Variants in OGA observed in about 807,000 individuals in gnomAD.
The protein encoded by OGA is protein O-GlcNAcase.
A neutral mutation model predicts 102.0 loss-of-function variants in OGA; 21 were observed. The ratio of observed to expected loss-of-function variants is 0.21; its 90% CI spans 0.15 to 0.30. The LOEUF (loss-of-function observed/expected upper bound fraction) is 0.30, where lower values mean the gene tolerates loss of function less well. Among genes scored for constraint, OGA ranks in the 10% least tolerant of loss-of-function variants. The pLI is 1.00. For synonymous variants in OGA, 408 were observed against 378.2 expected (o/e 1.08, Z -0.91); for missense variants, 765 against 1,107.8 (o/e 0.69, Z 4.39).
chr10:101,794,190 C>A (rs1328892327), intron 10 of OGA, 192 bp from the exon 11 acceptor site: 3 of 398,396 alleles, frequency 7.5e-6, no homozygotes, highest in Admixed American at 8.2e-5. Flanking sequence ...GTTCCTTCCT[C>A]CAATTAATGA....
intron 15 of OGA, 95 bp from the exon 16 acceptor site, chr10:101,786,682 CAG>C: frequency 9.3e-7 from 1 of 1,078,186 alleles, no homozygotes; most frequent in East Asian, 2.8e-5. Context: ...TTAATATAAA[CAG>C]GGCTTGTCTG....
intron 6 of OGA, among the ~76,000 whole-genome samples, chr10:101,804,471 C>T (rs2065440056): frequency 6.6e-6 from 1 of 151,894 alleles, no homozygotes; most frequent in South Asian, 2.1e-4. Flanking sequence ...GATGGGGTTT[C>T]ACTGTGTTAG....
chr10:101,793,878 A>G lies in OGA; in HGVS notation c.2070+35T>C, dbSNP rs548832801. 22 of 1,492,420 alleles carry G rather than the reference A, an allele frequency of 1.5e-5. No individual in the cohort carries two copies. In the South Asian group the frequency reaches 2.2e-4, roughly 15 times the overall value. The allele number at this position is 1,492,420 out of a possible 1,614,324, so 92.4% of individuals were successfully genotyped here. A position where few individuals can be genotyped will look rare whatever the true frequency, so the allele number is the denominator to read the frequency against. On this transcript the variant is annotated intron_variant, in intron 11 of 15. Coordinates refer to ENST00000361464, the MANE Select transcript of OGA (RefSeq NM_012215.5). ...ACATAAGGTTTCTCATAAAACAAAGAAAATGTCAATTCAGTTGTGAATTCA... is the reference window on the plus strand; with the variant it reads ...ACATAAGGTTTCTCATAAAACAAAGGAAATGTCAATTCAGTTGTGAATTCA...
rs747218461 is a variant in OGA, at chr10:101,810,197, C to T, written c.467G>A (p.Arg156His). 3.1e-6 allele frequency: 5 copies of T among 1,609,930 alleles called. No individual in the cohort carries two copies. Among genetic ancestry groups the T allele is most frequent in the Admixed American group, 1.7e-5 (1 of 59,294 alleles). ...GTAAGGAGTTACCTGGTCCAATTTA[C>T]GTTTCAATGTGGATACTTCCTTGGG... ...SNPKEVSTLK[R>H]KLDQVSQFGC... The change falls in exon 4 of 16, where the codon CGT becomes CAT. Residue 156 changes from arginine (R) to histidine (H), a missense_variant. Around this residue, in one of 7 missense-constraint regions of OGA, gnomAD observed 165 missense variants for 249.7 expected, o/e 0.66. Transcript: ENST00000361464.
Position 101,818,192 on chromosome 10 carries a change from G to C in OGA, c.-170C>G. On this transcript the variant is annotated 5_prime_UTR_variant, in exon 1 of 16. Transcript: ENST00000361464. Reference sequence around the variant, plus strand: ...CCTCTCCGCAGGGACCCGAATGCCCGGATGAGAAGGGCGGCGGCACCGGCG... The same window carrying C: ...CCTCTCCGCAGGGACCCGAATGCCCCGATGAGAAGGGCGGCGGCACCGGCG... 7.4e-7 allele frequency: 1 copy of C among 1,352,268 alleles called. No individual in the cohort carries two copies. The highest frequency in any genetic ancestry group is 9.5e-7 in the Non-Finnish European group (1 of 1,055,920). The allele number at this position is 1,352,268 out of a possible 1,614,324, so 83.8% of individuals were successfully genotyped here.
intron 4 of OGA, 71 bp from the exon 5 acceptor site, chr10:101,807,972 T>C: frequency 8.2e-7 from 1 of 1,215,806 alleles, no homozygotes; most frequent in South Asian, 2.0e-5. Flanking sequence ...GCGTTAACAG[T>C]TATACTTAAA....
At chr10:101,805,799 C>A (rs1283675103) in intron 6 of OGA, among the ~76,000 whole-genome samples, 1 of 144,336 alleles carries the variant, frequency 6.9e-6, no homozygotes, top group East Asian at 2.1e-4. Context: ...ACTAAAAATA[C>A]AAAAAATTAG....
chr10:101,806,026 T>C lies in OGA; in HGVS notation c.751+19A>G. The C allele has an allele frequency of 1.3e-6, 2 of 1,524,610 alleles. No homozygotes were observed. Among genetic ancestry groups the C allele is most frequent in the Admixed American group, 1.7e-5 (1 of 59,536 alleles). 94.4% of individuals were successfully genotyped at this position (1,524,610 alleles called of 1,614,324 possible). On this transcript the variant is annotated intron_variant, in intron 6 of 15. Transcript: ENST00000361464. ...CCTACTTAATTCAACTTTGACTGTA[T>C]AAATCTTAAAAGACTTACCTGTCCA...
At chr10:101,811,919 T>C (rs1310308222) in intron 3 of OGA, among the ~76,000 whole-genome samples, 9 of 152,320 alleles carry the variant, frequency 5.9e-5, no homozygotes, top group East Asian at 1.9e-4. Flanking sequence ...ATTTTGATTA[T>C]TGATCACATT....
In OGA at chr10:101,815,961, GAGAAAAAAAAAA is replaced by G. The variant is rs1220342493; in HGVS notation, c.199+1851_199+1862del. ...TGCCAACCAAGAGGTATCAAAAAGAGAGAAAAAAAAAAAAAAAAAAAAAAAAAAAGCCAGGCG... is the reference window on the plus strand; with the variant it reads ...TGCCAACCAAGAGGTATCAAAAAGAGAAAAAAAAAAAAAAAAAGCCAGGCG... On this transcript the variant is annotated intron_variant, in intron 1 of 15. Coordinates refer to ENST00000361464, the MANE Select transcript of OGA (RefSeq NM_012215.5). Among the ~76,000 whole-genome samples the G allele has an allele frequency of 6.3e-3, 151 of 23,788 alleles. 3 individuals carry two copies. The highest frequency in any genetic ancestry group is 0.027 in the African/African-American group (123 of 4,514). 15.6% of individuals were successfully genotyped at this position (23,788 alleles called of 152,430 possible). A position where few individuals can be genotyped will look rare whatever the true frequency, so the allele number is the denominator to read the frequency against.
intron 6 of OGA, among the ~76,000 whole-genome samples, chr10:101,805,464 G>T (rs2065456514): frequency 6.6e-6 from 1 of 151,948 alleles, no homozygotes; most frequent in Non-Finnish European, 1.5e-5. Context: ...AGACCAGCCT[G>T]GCTAACATGG....
chr10:101,807,603 T>TA (rs1564648245), intron 5 of OGA, 127 bp downstream of exon 5: 6 of 662,962 alleles, frequency 9.1e-6, no homozygotes, highest in African/African-American at 1.9e-5. Context: ...AAATGTCTTC[T>TA]AAAAAAAGAT....
At chr10:101,788,628 G>C (rs934814621) in intron 14 of OGA, among the ~76,000 whole-genome samples, 2 of 151,686 alleles carry the variant, frequency 1.3e-5, no homozygotes, top group Non-Finnish European at 1.5e-5. Context: ...CCGACTACTC[G>C]GGAGGCTGAG....
rs563335112 is a variant in OGA at position 101,802,128 on chromosome 10, G to C, written c.1036+1607C>G. On this transcript the variant is annotated intron_variant, in intron 7 of 15. Coordinates refer to ENST00000361464, the MANE Select transcript of OGA (RefSeq NM_012215.5). ...CCACTGCACTCCAGCCTGGGCAACA[G>C]AGCGAGGCTCTGTCTCAAAGAAAAA... is the stretch of plus-strand genomic sequence containing the variant. Among the ~76,000 whole-genome samples the C allele has an allele frequency of 4.6e-5, 7 of 151,022 alleles. No individual in the cohort carries two copies. The South Asian group carries it at 1.5e-3, about 32-fold the overall frequency.
chr10:101,803,146 A>C (rs1217138659), intron 7 of OGA, among the ~76,000 whole-genome samples: 5 of 151,894 alleles, frequency 3.3e-5, no homozygotes, highest in Non-Finnish European at 7.4e-5. Context: ...ATCTCAAAAA[A>C]AAAAAAAAAG....
Position 101,818,190 on chromosome 10 carries a change from C to T in OGA, c.-168G>A. ...TCCCTCTCCGCAGGGACCCGAATGC[C>T]CGGATGAGAAGGGCGGCGGCACCGG... On this transcript the variant is annotated 5_prime_UTR_variant, in exon 1 of 16. Coordinates refer to ENST00000361464, the MANE Select transcript of OGA (RefSeq NM_012215.5). 1 of 1,354,660 alleles carries T rather than the reference C, an allele frequency of 7.4e-7. No individual in the cohort carries two copies. The highest frequency in any genetic ancestry group is 3.0e-5 in the East Asian group (1 of 33,334). 83.9% of individuals were successfully genotyped at this position (1,354,660 alleles called of 1,614,324 possible). A position where few individuals can be genotyped will look rare whatever the true frequency, so the allele number is the denominator to read the frequency against.
Position 101,817,946 on chromosome 10 carries a change from C to T in OGA, c.77G>A (p.Gly26Glu). The change falls in exon 1 of 16, where the codon GGG becomes GAG. Residue 26 changes from glycine (G) to glutamate (E), a missense_variant. Physicochemically the swap from Gly to Glu is moderately conservative, Grantham distance 98 (BLOSUM62 -2). Coordinates refer to ENST00000361464, the MANE Select transcript of OGA (RefSeq NM_012215.5). ...ELSSNPAASA[G>E]ASLEPPAAPA... ...AGCTGCCGGCGGCTCCAGCGATGCC[C>T]CCGCAGAGGCGGCAGGGTTGGAGCT... 2 of 1,597,088 alleles carry T rather than the reference C, an allele frequency of 1.3e-6. No homozygotes were observed. The highest frequency in any genetic ancestry group is 4.6e-5 in the East Asian group (2 of 43,736).
chr10:101,811,890 A>G (rs957566012), intron 3 of OGA, among the ~76,000 whole-genome samples: 1 of 152,182 alleles, frequency 6.6e-6, no homozygotes, highest in African/African-American at 2.4e-5. Flanking sequence ...TAGTATCTCA[A>G]GATAGTCATT....
chr10:101,798,807 C>T (rs1432538714), intron 9 of OGA, 35 bp downstream of exon 9: 1 of 1,583,960 alleles, frequency 6.3e-7, no homozygotes, highest in African/African-American at 1.3e-5. Context: ...GGGAACCACC[C>T]AGGCTTCAGC....
Sources: allele counts gnomAD v4.1 joint callset (sites outside exome capture counted in the v4.1 genomes callset), GRCh38; gene constraint gnomAD v4.1.1; regional missense constraint gnomAD v4.1.1; transcripts MANE v1.5; gene names NCBI Gene and HGNC (gene_info 2026-07-23, HGNC 2026-07-21).